The following DGAT2 variants were observed in gnomAD, a reference collection of about 807,000 sequenced individuals.
DGAT2 encodes diacylglycerol O-acyltransferase 2, also known as acyl-CoA retinol O-fatty-acyltransferase.
A neutral mutation model predicts 48.4 loss-of-function variants in DGAT2; 33 were observed. The observed-to-expected ratio is 0.68, with a 90% CI of 0.52 to 0.91. The LOEUF (loss-of-function observed/expected upper bound fraction) is 0.91. Among genes scored for constraint, DGAT2 ranks in the 40% least tolerant of loss-of-function variants. The pLI, the probability that DGAT2 is intolerant of heterozygous loss-of-function variation, is 0.00. For synonymous variants in DGAT2, 191 were observed against 194.1 expected (o/e 0.98, Z 0.13); for missense variants, 446 against 493.7 (o/e 0.90, Z 0.92).
Position 75,796,398 on chromosome 11 carries a change from G to T in DGAT2, c.500G>T (p.Gly167Val), listed in dbSNP as rs754242193. 3.7e-6 allele frequency: 6 copies of T among 1,614,074 alleles called. No homozygotes were observed. The highest frequency in any genetic ancestry group is 5.1e-6 in the Non-Finnish European group (6 of 1,180,014). Residue 167 changes from glycine to valine, a missense_variant, in exon 5 of 8, where the codon GGC becomes GTC. Transcript: ENST00000228027. ...IFGYHPHGIM[G>V]LGAFCNFSTE... ...GGATACCACCCCCATGGTATCATGG[G>T]CCTGGGTGCCTTCTGCAACTTCAGC... is the stretch of plus-strand genomic sequence containing the variant.
chr11:75,796,205 T>G, intron 4 of DGAT2, 123 bp from the exon 5 acceptor site: 1 of 792,920 alleles, frequency 1.3e-6, no homozygotes, highest in Non-Finnish European at 2.1e-6. Flanking sequence ...TGGAGATTCA[T>G]TGCAGCCCTC....
At position 75,797,011 on chromosome 11, in the gene DGAT2, T is replaced by A. The variant is rs1046520127; in HGVS notation, c.635-147T>A. On this transcript the variant is annotated intron_variant, in intron 5 of 7. Coordinates refer to ENST00000228027, the MANE Select transcript of DGAT2 (RefSeq NM_032564.5). ...ACTGAGGCTCAGAAAAATGAATAGC[T>A]TACACAGAACCAGACAACTCCAAAG... 83 of 726,398 alleles carry A rather than the reference T, an allele frequency of 1.1e-4. 1 individual carries two copies. The Admixed American group carries it at 2.4e-3, about 21-fold the overall frequency. The allele number at this position is 726,398 out of a possible 1,614,324, so 45.0% of individuals were successfully genotyped here. A position where few individuals can be genotyped will look rare whatever the true frequency, so the allele number is the denominator to read the frequency against.
chr11:75,790,345 C>T, intron 3 of DGAT2, 50 bp downstream of exon 3: 1 of 1,461,626 alleles, frequency 6.8e-7, no homozygotes, highest in Non-Finnish European at 9.6e-7. Context: ...GGATGCTCTT[C>T]CCCCTGCACA....
chr11:75,797,367 A>G (rs755277207), intron 6 of DGAT2, 35 bp downstream of exon 6: 2 of 1,408,806 alleles, frequency 1.4e-6, no homozygotes, highest in South Asian at 1.7e-5. Context: ...ACACCCCTCC[A>G]GTGCCCCTCA....
Position 75,784,765 on chromosome 11 carries a change from G to A in DGAT2, c.250+19G>A, listed in dbSNP as rs1164095109. 1 of 1,613,788 alleles carries A rather than the reference G, an allele frequency of 6.2e-7. No homozygotes were observed. Among genetic ancestry groups the A allele is most frequent in the East Asian group, 2.2e-5 (1 of 44,868 alleles). ...GTACTGGGTAAGCTGGGCCTTAGAGGGAGGGCAGGTGGGCAGGCAGTGTCC... is the reference window on the plus strand; with the variant it reads ...GTACTGGGTAAGCTGGGCCTTAGAGAGAGGGCAGGTGGGCAGGCAGTGTCC... On this transcript the variant is annotated intron_variant, in intron 2 of 7. Coordinates refer to ENST00000228027, the MANE Select transcript of DGAT2 (RefSeq NM_032564.5).
chr11:75,769,047 A>T lies in DGAT2; in HGVS notation c.56A>T (p.Glu19Val). 2 of 1,580,680 alleles carry T rather than the reference A, an allele frequency of 1.3e-6. No individual in the cohort carries two copies. The highest frequency in any genetic ancestry group is 1.7e-6 in the Non-Finnish European group (2 of 1,166,370). ...SGVLRGERQA[E>V]ADRSQRSHGG... ...GTCCTGCGCGGCGAGCGTCAGGCCG[A>T]GGCTGACCGGAGCCAGCGCTCTCAC... is the stretch of plus-strand genomic sequence containing the variant. Residue 19 changes from glutamate (E) to valine (V), a missense_variant, in exon 1 of 8, where the codon GAG (glutamate) becomes GTG (valine). Transcript: ENST00000228027.
chr11:75,781,210 G>A (rs553110595), intron 1 of DGAT2, among the ~76,000 whole-genome samples: 3 of 152,364 alleles, frequency 2.0e-5, no homozygotes, highest in African/African-American at 7.2e-5. Context: ...ATAGACCTTA[G>A]TGTTTATCAT....
chr11:75,797,333 G>A lies in DGAT2; in HGVS notation c.809+1G>A, dbSNP rs1284159931. ...TTGTGAAACTGGCCCTGCGTCATGG[G>A]TGAGTGCCTCCCTACACACACACAC... On this transcript the variant is annotated splice_donor_variant, in intron 6 of 7. Transcript: ENST00000228027. LOFTEE classifies it high-confidence loss of function. 3 of 1,484,184 alleles carry A rather than the reference G, an allele frequency of 2.0e-6. No homozygotes were observed. Among genetic ancestry groups the A allele is most frequent in the Non-Finnish European group, 1.8e-6 (2 of 1,112,224 alleles). The allele number at this position is 1,484,184 out of a possible 1,614,324, so 91.9% of individuals were successfully genotyped here.
intron 1 of DGAT2, among the ~76,000 whole-genome samples, chr11:75,779,012 G>A (rs1944833571): frequency 6.6e-6 from 1 of 152,170 alleles, no homozygotes; most frequent in Admixed American, 6.5e-5. Context: ...GGGGGTTGGG[G>A]CTCAGACACT....
chr11:75,776,295 G>T (rs1944802743), intron 1 of DGAT2: 1 of 152,220 alleles, frequency 6.6e-6, no homozygotes, highest in African/African-American at 2.4e-5. Context: ...CACCTTCTCT[G>T]CGCCTGACCC....
chr11:75,785,374 C>T (rs1944910604), intron 2 of DGAT2, among the ~76,000 whole-genome samples: 1 of 152,238 alleles, frequency 6.6e-6, no homozygotes, highest in Non-Finnish European at 1.5e-5. Context: ...TCAGACCCCA[C>T]TCCCAGCCCA....
intron 1 of DGAT2, among the ~76,000 whole-genome samples, chr11:75,778,727 G>A (rs1944828452): frequency 6.6e-6 from 1 of 150,928 alleles, no homozygotes; most frequent in Non-Finnish European, 1.5e-5. Context: ...CCAGCTACTC[G>A]GGAGGCTGAG....
At chr11:75,800,284 C>A in intron 7 of DGAT2, 70 bp from the exon 8 acceptor site, 1 of 1,561,404 alleles carries the variant, frequency 6.4e-7, no homozygotes, top group East Asian at 2.3e-5. Flanking sequence ...GCGTCACCAC[C>A]TTCAGCATCA....
At chr11:75,771,227 CTG>C (rs1291374257) in intron 1 of DGAT2, among the ~76,000 whole-genome samples, 7 of 152,208 alleles carry the variant, frequency 4.6e-5, no homozygotes, top group South Asian at 2.1e-4. Context: ...AAGCGGGAGT[CTG>C]TGTTGATATT....
At chr11:75,769,297 G>A (rs921603328) in intron 1 of DGAT2, among the ~76,000 whole-genome samples, 185 bp downstream of exon 1, 2 of 152,160 alleles carry the variant, frequency 1.3e-5, no homozygotes, top group Non-Finnish European at 2.9e-5. Context: ...CGTGAGGTGG[G>A]AGCGGTACCA....
chr11:75,776,537 A>G (rs1409086132), intron 1 of DGAT2: 4 of 152,240 alleles, frequency 2.6e-5, no homozygotes, highest in South Asian at 4.1e-4. Context: ...TGCATGTGCT[A>G]AAAGACTGAC....
At chr11:75,790,632 C>A in intron 3 of DGAT2, 29 bp from the exon 4 acceptor site, 2 of 1,611,260 alleles carry the variant, frequency 1.2e-6, no homozygotes, top group South Asian at 1.1e-5. Context: ...CCCCCACCCC[C>A]ACCAACTCTG....
intron 1 of DGAT2, among the ~76,000 whole-genome samples, chr11:75,783,984 C>G (rs943262095): frequency 6.6e-6 from 1 of 152,118 alleles, no homozygotes; most frequent in Non-Finnish European, 1.5e-5. Flanking sequence ...TTTCTGGGCC[C>G]CACGCTTTGG....
In DGAT2 at chr11:75,772,527, A is replaced by G. The variant is rs544998551; in HGVS notation, c.121+3415A>G. Reference sequence around the variant, plus strand: ...CGCATGGCTGGCTTTACAACAGTCAATCTCCTCTCAGAGGTCTTCCCTGGC... The same window carrying G: ...CGCATGGCTGGCTTTACAACAGTCAGTCTCCTCTCAGAGGTCTTCCCTGGC... On this transcript the variant is annotated intron_variant, in intron 1 of 7. Coordinates refer to ENST00000228027, the MANE Select transcript of DGAT2 (RefSeq NM_032564.5). Among the ~76,000 whole-genome samples, 61 of 152,188 alleles carry G rather than the reference A, an allele frequency of 4.0e-4. 1 individual carries two copies. Among genetic ancestry groups the G allele is most frequent in the Non-Finnish European group, 5.9e-4 (40 of 68,014 alleles).
Sources: gnomAD v4.1 joint callset for allele counts (sites outside exome capture counted in the v4.1 genomes callset) on GRCh38, gnomAD v4.1.1 for gene constraint, MANE v1.5 for transcripts, NCBI Gene and HGNC (gene_info 2026-07-23, HGNC 2026-07-21) for gene names.